Variants in PML observed in about 807,000 individuals in gnomAD.
The protein encoded by PML is PML nuclear body scaffold.
In PML, 28 loss-of-function variants were observed where a neutral mutation model predicts 65.2. That is an observed-to-expected ratio of 0.43 (90% CI 0.32 to 0.59). The LOEUF (loss-of-function observed/expected upper bound fraction) is 0.59, where lower values mean the gene tolerates loss of function less well. Ranked by LOEUF, PML falls within the 20% of genes least tolerant of loss-of-function variation. The probability of loss-of-function intolerance (pLI) is 0.08; values close to 1 mark genes in which losing one functional copy is unlikely to be tolerated. For synonymous variants in PML, 500 were observed against 508.8 expected (o/e 0.98, Z 0.23); for missense variants, 1,021 against 1,203.4 (o/e 0.85, Z 2.24).
At chr15:74,006,427 C>T (rs1330105546) in intron 2 of PML, among the ~76,000 whole-genome samples, 1 of 149,458 alleles carries the variant, frequency 6.7e-6, no homozygotes, top group Non-Finnish European at 1.5e-5. Context: ...AAAACAGGAG[C>T]TTTTTAGCAT....
intron 3 of PML, among the ~76,000 whole-genome samples, chr15:74,024,058 T>C (rs1008462652): frequency 6.6e-6 from 1 of 151,922 alleles, no homozygotes; most frequent in Non-Finnish European, 1.5e-5. Flanking sequence ...ATCCGGGAGA[T>C]GTAGCAGCTG....
chr15:74,021,225 A>C (rs2070819405), intron 2 of PML, among the ~76,000 whole-genome samples: 1 of 152,190 alleles, frequency 6.6e-6, no homozygotes, highest in South Asian at 2.1e-4. Context: ...TGAATGAGTA[A>C]ATATTTGCCA....
chr15:74,013,330 T>G (rs985405301), intron 2 of PML, among the ~76,000 whole-genome samples: 1 of 152,124 alleles, frequency 6.6e-6, no homozygotes, highest in Non-Finnish European at 1.5e-5. Flanking sequence ...CCATTTAGGG[T>G]GGGGGAACTT....
intron 2 of PML, among the ~76,000 whole-genome samples, chr15:73,999,237 T>C (rs1234488440): frequency 6.6e-6 from 1 of 152,202 alleles, no homozygotes; most frequent in African/African-American, 2.4e-5. Flanking sequence ...TCAGGTCCTA[T>C]TTTCCCTCTT....
At chr15:74,026,052 G>A (rs1028831481) in intron 4 of PML, 9 of 152,362 alleles carry the variant, frequency 5.9e-5, no homozygotes, top group Non-Finnish European at 8.8e-5. Context: ...CAAGAGCATG[G>A]AGTCTAACCC....
chr15:74,038,657 G>C (rs1181467457), intron 7 of PML, among the ~76,000 whole-genome samples: 4 of 151,990 alleles, frequency 2.6e-5, no homozygotes, highest in Non-Finnish European at 5.9e-5. Flanking sequence ...CTACTCCCCA[G>C]CTTGGAGGGG....
chr15:74,014,720 C>G (rs2070489783), intron 2 of PML, among the ~76,000 whole-genome samples: 1 of 151,526 alleles, frequency 6.6e-6, no homozygotes, highest in Non-Finnish European at 1.5e-5. Context: ...CGAGATCATG[C>G]CACTGCACTC....
In PML at chr15:74,035,864, A is replaced by T. The variant is rs763903277; in HGVS notation, c.1710+1334A>T. Reference sequence around the variant, plus strand: ...CCTCTCAAGTCCAAGTGCCTCTGGAAGCCTCTCCAATTACATTCCCACCAC... The same window carrying T: ...CCTCTCAAGTCCAAGTGCCTCTGGATGCCTCTCCAATTACATTCCCACCAC... On this transcript the variant is annotated intron_variant, in intron 7 of 8. Coordinates refer to ENST00000268058, the MANE Select transcript of PML (RefSeq NM_033238.3). This position sits in a 1 kb window ranked among gnomAD's most constrained non-coding sequence, Gnocchi z 4.1. 2 of 1,613,772 alleles carry T rather than the reference A, an allele frequency of 1.2e-6. No individual in the cohort carries two copies. The highest frequency in any genetic ancestry group is 3.3e-5 in the Admixed American group (2 of 60,026).
chr15:74,011,440 TA>T (rs2070329300), intron 2 of PML, among the ~76,000 whole-genome samples: 1 of 151,936 alleles, frequency 6.6e-6, no homozygotes, highest in Non-Finnish European at 1.5e-5. Flanking sequence ...TAATACATCT[TA>T]GAAAAAATGT....
intron 4 of PML, 196 bp from the exon 5 acceptor site, chr15:74,032,376 T>A (rs572042381): frequency 3.2e-5 from 20 of 621,478 alleles, no homozygotes; most frequent in African/African-American, 7.4e-5. Context: ...TACAAAAAAA[T>A]TTTTTTAAAA....
At chr15:74,020,639 C>A (rs2070794996) in intron 2 of PML, among the ~76,000 whole-genome samples, 1 of 152,108 alleles carries the variant, frequency 6.6e-6, no homozygotes, top group African/African-American at 2.4e-5. Flanking sequence ...GGGCTTAAAA[C>A]AATGTAAATG....
Position 73,994,825 on chromosome 15 carries a change from C to G in PML, c.13C>G (p.Pro5Ala), listed in dbSNP as rs1257467598. 3 of 1,556,912 alleles carry G rather than the reference C, an allele frequency of 1.9e-6. No individual in the cohort carries two copies. The highest frequency in any genetic ancestry group is 1.7e-4 in the Middle Eastern group (1 of 5,924). The change falls in exon 1 of 9, where the codon CCC becomes GCC. Residue 5 changes from proline to alanine, a missense_variant. Physicochemically the swap from Pro to Ala is conservative, Grantham distance 27. Transcript: ENST00000268058. MEPAPARSPRPQQDP... is the reference protein window; with the variant it reads MEPAAARSPRPQQDP... ...TAAGCTGGGGTCCATGGAGCCTGCACCCGCCCGATCTCCGAGGCCCCAGCA... is the reference window on the plus strand; with the variant it reads ...TAAGCTGGGGTCCATGGAGCCTGCAGCCGCCCGATCTCCGAGGCCCCAGCA...
At position 74,035,865 on chromosome 15, in the gene PML, G is replaced by C. The variant is rs743582; in HGVS notation, c.1710+1335G>C. Reference sequence around the variant, plus strand: ...CTCTCAAGTCCAAGTGCCTCTGGAAGCCTCTCCAATTACATTCCCACCACC... The same window carrying C: ...CTCTCAAGTCCAAGTGCCTCTGGAACCCTCTCCAATTACATTCCCACCACC... On this transcript the variant is annotated intron_variant, in intron 7 of 8. Coordinates refer to ENST00000268058, the MANE Select transcript of PML (RefSeq NM_033238.3). The surrounding 1 kb of genome is among the most constrained non-coding windows in gnomAD (Gnocchi z 4.1). The C allele has an allele frequency of 0.1, 169,137 of 1,613,586 alleles. 10,796 individuals carry two copies. The highest frequency in any genetic ancestry group is 0.24 in the South Asian group (21,457 of 91,066).
rs1233935907 is a variant in PML, at chr15:73,994,722, A to G, written c.-91A>G. On this transcript the variant is annotated 5_prime_UTR_variant, in exon 1 of 9. Coordinates refer to ENST00000268058, the MANE Select transcript of PML (RefSeq NM_033238.3). ...GGCACCTCCCCTTTCGGACAGCTCA[A>G]GGGACTCAGCCAACTGGCTCACGCC... The G allele has an allele frequency of 7.1e-6, 10 of 1,398,924 alleles. No individual in the cohort carries two copies. The allele number at this position is 1,398,924 out of a possible 1,614,324, so 86.7% of individuals were successfully genotyped here. A position where few individuals can be genotyped will look rare whatever the true frequency, so the allele number is the denominator to read the frequency against.
At chr15:74,024,675 T>C (rs1254175688) in intron 3 of PML, among the ~76,000 whole-genome samples, 182 bp from the exon 4 acceptor site, 1 of 152,218 alleles carries the variant, frequency 6.6e-6, no homozygotes, top group Non-Finnish European at 1.5e-5. Context: ...TCCTGCCCAC[T>C]GCATTCGAGA....
In PML at chr15:74,042,970, T is replaced by G; in HGVS notation, c.1711-19T>G. 6.2e-7 allele frequency: 1 copy of G among 1,613,492 alleles called. No individual in the cohort carries two copies. The highest frequency in any genetic ancestry group is 1.7e-4 in the Middle Eastern group (1 of 5,860). The stretch of plus-strand genomic sequence containing the variant: ...CTTGGCCCTCTGAATCCCTGACGCT[T>G]GGTTTTTCTGTGTTGCAGTCCTCCC... On this transcript the variant is annotated intron_variant, in intron 7 of 8. Transcript: ENST00000268058. The surrounding 1 kb of genome is among the most constrained non-coding windows in gnomAD (Gnocchi z 5.3).
At position 74,006,307 on chromosome 15, in the gene PML, C is replaced by T. The variant is rs570777188; in HGVS notation, c.602+7831C>T. ...TCAGGAGGCTGAGGCAGGAGAATTG[C>T]ATGAACCCTGGAGGTGGAGGCTGCA... On this transcript the variant is annotated intron_variant, in intron 2 of 8. Coordinates refer to ENST00000268058, the MANE Select transcript of PML (RefSeq NM_033238.3). 6.8e-5 allele frequency among the ~76,000 whole-genome samples: 10 copies of T among 147,070 alleles called. No homozygotes were observed. In the South Asian group the frequency reaches 2.1e-3, roughly 31 times the overall value.
At chr15:74,002,605 G>A (rs1222358529) in intron 2 of PML, among the ~76,000 whole-genome samples, 5 of 137,344 alleles carry the variant, frequency 3.6e-5, no homozygotes, top group Admixed American at 2.3e-4. Context: ...CACCATGCCC[G>A]GCTAAGTTTT....
chr15:74,025,023 C>G lies in PML; in HGVS notation c.1254+96C>G, dbSNP rs79126253. On this transcript the variant is annotated intron_variant, in intron 4 of 8. Transcript: ENST00000268058. ...GTCCCTGTGTGTGCAGGGAGAGCGT[C>G]TGAGTGAGGGACAGCAAGTGGCTGG... The G allele has an allele frequency of 1.7e-4, 136 of 816,158 alleles. No individual in the cohort carries two copies. The East Asian group carries it at 2.4e-3, about 14-fold the overall frequency. 50.6% of individuals were successfully genotyped at this position (816,158 alleles called of 1,614,324 possible). A position where few individuals can be genotyped will look rare whatever the true frequency, so the allele number is the denominator to read the frequency against.
Sources: gnomAD v4.1 joint callset for allele counts (sites outside exome capture counted in the v4.1 genomes callset) on GRCh38, gnomAD v4.1.1 for gene constraint, Gnocchi (gnomAD v3.1) non-coding constraint, MANE v1.5 for transcripts, NCBI Gene and HGNC (gene_info 2026-07-23, HGNC 2026-07-21) for gene names.